The following MSRA variants were observed in gnomAD, a reference collection of about 807,000 sequenced individuals.
MSRA encodes mitochondrial peptide methionine sulfoxide reductase.
MSRA carries 54 observed loss-of-function variants against 31.3 expected under a neutral mutation model. The observed-to-expected ratio is 1.73, with a 90% CI of 1.39 to 2.17. The LOEUF (loss-of-function observed/expected upper bound fraction) is 2.17, where lower values mean the gene tolerates loss of function less well. Ranked by LOEUF, MSRA falls within the 30% of genes most tolerant of loss-of-function variation. The pLI is 0.00. For synonymous variants in MSRA, 169 were observed against 116.5 expected (o/e 1.45, Z -2.90); for missense variants, 507 against 300.9 (o/e 1.69, Z -5.07).
At chr8:10,250,745 C>G (rs1211385274) in intron 3 of MSRA, 13 of 459,484 alleles carry the variant, frequency 2.8e-5, no homozygotes, top group Admixed American at 1.8e-4. Flanking sequence ...TATTTACTGT[C>G]AGGTGCTTAT....
intron 3 of MSRA, among the ~76,000 whole-genome samples, chr8:10,275,328 T>C (rs1177638791): frequency 1.3e-5 from 2 of 152,212 alleles, no homozygotes; most frequent in Non-Finnish European, 1.5e-5. Flanking sequence ...AGAGCTTAAA[T>C]GATTATCTGG....
chr8:10,367,315 A>G (rs1805223656), intron 5 of MSRA, among the ~76,000 whole-genome samples: 2 of 152,214 alleles, frequency 1.3e-5, no homozygotes, highest in South Asian at 2.1e-4. Flanking sequence ...ATATATTGTG[A>G]TAATTCTTCT....
chr8:10,205,235 G>A lies in MSRA; in HGVS notation c.143-2598G>A, dbSNP rs539195027. Among the ~76,000 whole-genome samples, 34 of 152,254 alleles carry A rather than the reference G, an allele frequency of 2.2e-4. No individual in the cohort carries two copies. In the South Asian group the frequency reaches 2.5e-3, roughly 11 times the overall value. On this transcript the variant is annotated intron_variant, in intron 1 of 5. Transcript: ENST00000317173. The stretch of plus-strand genomic sequence containing the variant: ...ACAAGGGATATACAAGAGTTAGAAG[G>A]CAGATGTCGGAGTCCGGAAAAAGGG...
At chr8:10,151,924 T>G (rs1179382284) in intron 1 of MSRA, among the ~76,000 whole-genome samples, 1 of 152,240 alleles carries the variant, frequency 6.6e-6, no homozygotes, top group Admixed American at 6.5e-5. Flanking sequence ...AGCACAGTTT[T>G]AGAAGGTCAG....
intron 1 of MSRA, among the ~76,000 whole-genome samples, chr8:10,065,270 C>A (rs577941647): frequency 5.4e-4 from 82 of 152,034 alleles, no homozygotes; most frequent in Admixed American, 1.0e-3. Context: ...CCTGCTAGCC[C>A]CATGCAGGTT....
chr8:10,275,267 A>T (rs921668171), intron 3 of MSRA, among the ~76,000 whole-genome samples: 1 of 152,224 alleles, frequency 6.6e-6, no homozygotes, highest in African/African-American at 2.4e-5. Flanking sequence ...ATAATTCCAT[A>T]CGATCAAGTT....
At chr8:10,137,121 A>G (rs1438119986) in intron 1 of MSRA, among the ~76,000 whole-genome samples, 1 of 152,214 alleles carries the variant, frequency 6.6e-6, no homozygotes, top group Non-Finnish European at 1.5e-5. Flanking sequence ...CACATTTAAC[A>G]GAACAAAGCT....
intron 3 of MSRA, among the ~76,000 whole-genome samples, chr8:10,252,567 G>A (rs1279926730): frequency 2.6e-5 from 4 of 152,204 alleles, no homozygotes; most frequent in African/African-American, 9.7e-5. Flanking sequence ...GACTAAGAAA[G>A]GAAGTCATTG....
At chr8:10,295,368 G>T (rs187040978) in intron 3 of MSRA, among the ~76,000 whole-genome samples, 3 of 152,180 alleles carry the variant, frequency 2.0e-5, no homozygotes, top group African/African-American at 7.2e-5. Context: ...AGCCTCTCCG[G>T]AAGGCACAGG....
At chr8:10,245,632 C>T (rs577522370) in intron 3 of MSRA, among the ~76,000 whole-genome samples, 8 of 152,312 alleles carry the variant, frequency 5.3e-5, no homozygotes, top group African/African-American at 1.9e-4. Context: ...TTTGGCCTGG[C>T]AGTTGGTGCT....
chr8:10,115,720 C>T (rs1286957003), intron 1 of MSRA, among the ~76,000 whole-genome samples: 3 of 152,068 alleles, frequency 2.0e-5, no homozygotes, highest in South Asian at 2.1e-4. Context: ...CACGGATCTG[C>T]GTGATGAATT....
chr8:10,166,922 G>A (rs796248280), intron 1 of MSRA, among the ~76,000 whole-genome samples: 13 of 152,278 alleles, frequency 8.5e-5, no homozygotes, highest in African/African-American at 2.4e-4. Flanking sequence ...CGGGAGCCAT[G>A]ATGGGTCTAG....
chr8:10,209,613 C>T (rs1056415889), intron 2 of MSRA, among the ~76,000 whole-genome samples: 1 of 152,160 alleles, frequency 6.6e-6, no homozygotes, highest in African/African-American at 2.4e-5. Context: ...CCTCAACATT[C>T]TTCCCCAAGG....
At chr8:10,293,975 G>A (rs558776789) in intron 3 of MSRA, among the ~76,000 whole-genome samples, 3 of 152,130 alleles carry the variant, frequency 2.0e-5, no homozygotes, top group Non-Finnish European at 4.4e-5. Context: ...AGGCCGAGGT[G>A]GGAGGATCAC....
In MSRA at chr8:10,344,341, C is replaced by T. The variant is rs572303265; in HGVS notation, c.543+24352C>T. The stretch of plus-strand genomic sequence containing the variant: ...GGCAATCAAAGCCAGCCATTTCCAC[C>T]GAGGCAGGTGGATCACAAGGTCAGG... On this transcript the variant is annotated intron_variant, in intron 5 of 5. Coordinates refer to ENST00000317173, the MANE Select transcript of MSRA (RefSeq NM_012331.5). 9.9e-5 allele frequency among the ~76,000 whole-genome samples: 15 copies of T among 151,418 alleles called. 1 individual carries two copies. In the South Asian group the frequency reaches 2.1e-3, roughly 21 times the overall value.
At chr8:10,364,421 A>T (rs567636398) in intron 5 of MSRA, among the ~76,000 whole-genome samples, 2 of 152,352 alleles carry the variant, frequency 1.3e-5, no homozygotes, top group South Asian at 4.1e-4. Flanking sequence ...TCTCCATCAC[A>T]CTTGGCCATT....
intron 1 of MSRA, among the ~76,000 whole-genome samples, chr8:10,081,229 C>T (rs901450558): frequency 1.3e-5 from 2 of 152,148 alleles, no homozygotes; most frequent in Non-Finnish European, 2.9e-5. Flanking sequence ...CGTGGAGGGG[C>T]CTGCTCTGAG....
chr8:10,206,607 G>C (rs767034008), intron 1 of MSRA, among the ~76,000 whole-genome samples: 14 of 152,170 alleles, frequency 9.2e-5, no homozygotes, highest in Admixed American at 3.3e-4. Context: ...AAGACAGATT[G>C]TTCTCTGGCC....
At chr8:10,111,153 T>C (rs1345079534) in intron 1 of MSRA, among the ~76,000 whole-genome samples, 1 of 152,198 alleles carries the variant, frequency 6.6e-6, no homozygotes, top group African/African-American at 2.4e-5. Context: ...GGATCAACTT[T>C]GATCATTTGG....
Sources: gnomAD v4.1 joint callset for allele counts (sites outside exome capture counted in the v4.1 genomes callset) on GRCh38, gnomAD v4.1.1 for gene constraint, MANE v1.5 for transcripts, NCBI Gene and HGNC (gene_info 2026-07-23, HGNC 2026-07-21) for gene names.